The following GRIP1 variants were observed in gnomAD, a reference collection of about 807,000 sequenced individuals.
The protein encoded by GRIP1 is glutamate receptor interacting protein 1, also known as glutamate receptor-interacting protein 1.
A neutral mutation model predicts 129.9 loss-of-function variants in GRIP1; 45 were observed. The observed-to-expected ratio is 0.35, with a 90% CI of 0.27 to 0.44. The LOEUF is 0.44. Ranked by LOEUF, GRIP1 falls within the 20% of genes least tolerant of loss-of-function variation. The pLI is 1.00. For synonymous variants in GRIP1, 530 were observed against 520.8 expected (o/e 1.02, Z -0.24); for missense variants, 1,196 against 1,396.8 (o/e 0.86, Z 2.29).
rs1313029173 is a variant in GRIP1 at position 66,400,808 on chromosome 12, A to G, written c.1984+5475T>C. Among the ~76,000 whole-genome samples the G allele has an allele frequency of 2.6e-5, 4 of 152,198 alleles. No individual in the cohort carries two copies. In the East Asian group the frequency reaches 5.8e-4, roughly 22 times the overall value. ...ATATGTGATAGATTTGCAAACCTCT[A>G]TCTCTTCCTACAAATCCCCAAAAGT... On this transcript the variant is annotated intron_variant, in intron 16 of 24. Transcript: ENST00000359742.
At chr12:66,508,328 C>T (rs1448673634) in intron 7 of GRIP1, among the ~76,000 whole-genome samples, 1 of 152,060 alleles carries the variant, frequency 6.6e-6, no homozygotes, top group Non-Finnish European at 1.5e-5. Flanking sequence ...TGTGTGAGGG[C>T]TCCACATTAG....
At chr12:66,359,132 C>T (rs758156484) in intron 23 of GRIP1, among the ~76,000 whole-genome samples, 1 of 152,194 alleles carries the variant, frequency 6.6e-6, no homozygotes, top group Non-Finnish European at 1.5e-5. Flanking sequence ...GTCCTGCAGA[C>T]TCTGTGCCTA....
Position 66,523,205 on chromosome 12 carries a change from G to A in GRIP1, c.503-5229C>T, listed in dbSNP as rs2061088307. 4.0e-5 allele frequency among the ~76,000 whole-genome samples: 6 copies of A among 151,386 alleles called. No homozygotes were observed. The South Asian group carries it at 1.3e-3, about 32-fold the overall frequency. ...ACCACAAAGATACTCCTCGAGAAGAGCAACTCCAAGACACATAATTGTCAG... is the reference window on the plus strand; with the variant it reads ...ACCACAAAGATACTCCTCGAGAAGAACAACTCCAAGACACATAATTGTCAG... On this transcript the variant is annotated intron_variant, in intron 5 of 24. Coordinates refer to ENST00000359742, the MANE Select transcript of GRIP1 (RefSeq NM_001366722.1).
At chr12:66,377,978 C>T (rs2055894808) in intron 20 of GRIP1, among the ~76,000 whole-genome samples, 3 of 151,798 alleles carry the variant, frequency 2.0e-5, no homozygotes. Flanking sequence ...GTTTTTCTCA[C>T]TTATTTAAAG....
intron 1 of GRIP1, among the ~76,000 whole-genome samples, chr12:66,755,825 T>C (rs1286378196): frequency 6.6e-6 from 1 of 152,222 alleles, no homozygotes; most frequent in Non-Finnish European, 1.5e-5. Context: ...GCAGGGCAGA[T>C]AAATGCCCTC....
At chr12:66,477,713 G>T (rs2059663096) in intron 7 of GRIP1, among the ~76,000 whole-genome samples, 1 of 152,166 alleles carries the variant, frequency 6.6e-6, no homozygotes, top group Non-Finnish European at 1.5e-5. Context: ...AGAGCCCTCA[G>T]AAATAATACC....
chr12:66,366,924 T>A (rs1368735652), intron 23 of GRIP1, among the ~76,000 whole-genome samples: 1 of 152,176 alleles, frequency 6.6e-6, no homozygotes, highest in Non-Finnish European at 1.5e-5. Context: ...GCTCAAGCGA[T>A]CCTCTTGCAC....
intron 1 of GRIP1, among the ~76,000 whole-genome samples, chr12:66,865,875 C>G (rs2137134026): frequency 6.6e-6 from 1 of 152,226 alleles, no homozygotes; most frequent in African/African-American, 2.4e-5. Context: ...ACTCACTTTT[C>G]TCCTTTTCCT....
chr12:66,371,535 T>C (rs1337185436), intron 23 of GRIP1, among the ~76,000 whole-genome samples, 159 bp downstream of exon 23: 2 of 152,204 alleles, frequency 1.3e-5, no homozygotes, highest in African/African-American at 4.8e-5. Context: ...TCCCAGAGAT[T>C]GTATTTTGAG....
chr12:66,682,065 C>T (rs1044408284), upstream of GRIP1, among the ~76,000 whole-genome samples: 1 of 152,134 alleles, frequency 6.6e-6, no homozygotes, highest in African/African-American at 2.4e-5. Flanking sequence ...CAGGAAAGAA[C>T]CATAGCTTCT....
At chr12:66,570,568 T>C (rs1430424816) in intron 2 of GRIP1, among the ~76,000 whole-genome samples, 1 of 152,190 alleles carries the variant, frequency 6.6e-6, no homozygotes, top group Non-Finnish European at 1.5e-5. Context: ...TGTGAACCCC[T>C]GTCACACTTG....
chr12:67,029,465 A>C (rs1486378755), intron 1 of GRIP1, among the ~76,000 whole-genome samples: 1 of 151,636 alleles, frequency 6.6e-6, no homozygotes, highest in East Asian at 1.9e-4. Context: ...TGTAGTCCCA[A>C]GTACTTAGGA....
intron 1 of GRIP1, among the ~76,000 whole-genome samples, chr12:66,829,664 G>T (rs1374798257): frequency 6.6e-6 from 1 of 152,138 alleles, no homozygotes; most frequent in African/African-American, 2.4e-5. Flanking sequence ...AAATATCTTT[G>T]TAGTAGATTC....
intron 7 of GRIP1, among the ~76,000 whole-genome samples, chr12:66,503,099 G>A (rs373563004): frequency 6.6e-6 from 1 of 152,138 alleles, no homozygotes; most frequent in African/African-American, 2.4e-5. Context: ...ATCTCCTGAC[G>A]GTCCACAGCT....
intron 5 of GRIP1, among the ~76,000 whole-genome samples, chr12:66,529,616 G>C (rs2061376911): frequency 1.3e-5 from 2 of 152,102 alleles, no homozygotes; most frequent in African/African-American, 4.8e-5. Context: ...AAAGATACAA[G>C]GGACTTTCAG....
At position 66,779,607 on chromosome 12, in the gene GRIP1, C is replaced by T. The variant is rs114896528; in HGVS notation, c.-420+24446G>A. Among the ~76,000 whole-genome samples, 574 of 152,316 alleles carry T rather than the reference C, an allele frequency of 3.8e-3. 5 individuals are homozygous for T. The highest frequency in any genetic ancestry group is 0.012 in the African/African-American group (502 of 41,574). On this transcript the variant is annotated intron_variant, in intron 1 of 4. Transcript: ENST00000538373. The stretch of plus-strand genomic sequence containing the variant: ...AGAGATCATAATGATAGTTATCATA[C>T]AATCGGGAAACCTGGATTAGTCATT...
chr12:66,775,000 A>G (rs765100053), intron 1 of GRIP1, among the ~76,000 whole-genome samples: 2 of 152,176 alleles, frequency 1.3e-5, no homozygotes, highest in Non-Finnish European at 1.5e-5. Context: ...CTCATTTCAC[A>G]GGTGCTTGCT....
At chr12:66,749,719 C>T (rs1435758141) in intron 1 of GRIP1, among the ~76,000 whole-genome samples, 1 of 152,124 alleles carries the variant, frequency 6.6e-6, no homozygotes, top group Non-Finnish European at 1.5e-5. Flanking sequence ...GGATGACCCC[C>T]TCCCTACTGC....
At chr12:66,552,789 C>T (rs556397151) in intron 2 of GRIP1, among the ~76,000 whole-genome samples, 1 of 152,220 alleles carries the variant, frequency 6.6e-6, no homozygotes, top group Admixed American at 6.5e-5. Context: ...TTTGATTGTC[C>T]CTTGTTTGAT....
Sources: gnomAD v4.1 joint callset for allele counts (sites outside exome capture counted in the v4.1 genomes callset) on GRCh38, gnomAD v4.1.1 for gene constraint, MANE v1.5 for transcripts, NCBI Gene and HGNC (gene_info 2026-07-23, HGNC 2026-07-21) for gene names.